Variants in TMTC1 observed in about 807,000 individuals in gnomAD.
The protein encoded by TMTC1 is protein O-mannosyl-transferase TMTC1.
Under a neutral mutation model 104.8 loss-of-function variants are expected in TMTC1, and 73 were observed. The ratio of observed to expected loss-of-function variants is 0.70; its 90% CI spans 0.58 to 0.85. The LOEUF (loss-of-function observed/expected upper bound fraction) is 0.85, where lower values mean the gene tolerates loss of function less well. Among genes scored for constraint, TMTC1 ranks in the 40% least tolerant of loss-of-function variants. TMTC1 has a pLI of 0.00. For missense variants in TMTC1, 1,035 were observed against 1,096.1 expected (o/e 0.94, Z 0.79); for synonymous variants, 434 against 428.7 (o/e 1.01, Z -0.15).
intron 3 of TMTC1, among the ~76,000 whole-genome samples, chr12:29,756,856 G>T (rs986912277): frequency 1.3e-5 from 2 of 151,946 alleles, no homozygotes; most frequent in African/African-American, 4.8e-5. Flanking sequence ...CTATTGAGTT[G>T]GTCTATAGCT....
chr12:29,547,784 C>A (rs539764993), intron 10 of TMTC1, among the ~76,000 whole-genome samples: 2 of 152,108 alleles, frequency 1.3e-5, no homozygotes, highest in African/African-American at 4.8e-5. Context: ...TGTGTGTACG[C>A]AATGGATATG....
At position 29,515,383 on chromosome 12, in the gene TMTC1, C is replaced by G. The variant is rs187690138; in HGVS notation, c.2308-779G>C. Among the ~76,000 whole-genome samples the G allele has an allele frequency of 3.5e-3, 526 of 152,288 alleles. 1 individual carries two copies. Among genetic ancestry groups the G allele is most frequent in the Admixed American group, 7.7e-3 (118 of 15,302 alleles). ...CATGGTAAGGAACAAAACCCTTGGC[C>G]TGGCCCCAAGGAGTCTCCTCCCAGC... On this transcript the variant is annotated intron_variant, in intron 15 of 17. Transcript: ENST00000539277.
chr12:29,705,565 C>G (rs1446966914), intron 5 of TMTC1, among the ~76,000 whole-genome samples: 1 of 152,142 alleles, frequency 6.6e-6, no homozygotes, highest in Admixed American at 6.5e-5. Flanking sequence ...GCTTACACTG[C>G]TTGTCCAGGT....
At position 29,572,291 on chromosome 12, in the gene TMTC1, C is replaced by CA. The variant is rs1491132248; in HGVS notation, c.1419-74dup. ...TTGTCAGATTCCTTTATGTTTTACT[C>CA]AGTTTCATGAACCTGTATTTGAAAT... On this transcript the variant is annotated intron_variant, in intron 8 of 17. Transcript: ENST00000539277. 3 of 1,258,792 alleles carry CA rather than the reference C, an allele frequency of 2.4e-6. No homozygotes were observed. The African/African-American group carries it at 4.5e-5, about 19-fold the overall frequency. The allele number at this position is 1,258,792 out of a possible 1,614,324, so 78.0% of individuals were successfully genotyped here.
intron 6 of TMTC1, among the ~76,000 whole-genome samples, chr12:29,622,621 A>T (rs956653183): frequency 6.6e-6 from 1 of 152,244 alleles, no homozygotes; most frequent in African/African-American, 2.4e-5. Context: ...CTTTAACTGT[A>T]CATGCATTCC....
chr12:29,773,850 C>T (rs1224151382), intron 1 of TMTC1, among the ~76,000 whole-genome samples: 1 of 152,136 alleles, frequency 6.6e-6, no homozygotes, highest in Non-Finnish European at 1.5e-5. Flanking sequence ...CCTATCACCC[C>T]ATGAAGTCAG....
intron 1 of TMTC1, among the ~76,000 whole-genome samples, chr12:29,776,723 G>C (rs998893078): frequency 1.3e-4 from 12 of 92,538 alleles, no homozygotes; most frequent in African/African-American, 4.1e-4. Flanking sequence ...AGGAAATAAG[G>C]GTAAAAAAAC....
At chr12:29,550,763 G>T (rs1192523120) in intron 10 of TMTC1, among the ~76,000 whole-genome samples, 1 of 151,966 alleles carries the variant, frequency 6.6e-6, no homozygotes, top group Non-Finnish European at 1.5e-5. Context: ...GTGAGCAATG[G>T]AGAGTCACTG....
At chr12:29,575,138 C>T (rs1945786717) in intron 8 of TMTC1, among the ~76,000 whole-genome samples, 2 of 152,006 alleles carry the variant, frequency 1.3e-5, no homozygotes, top group South Asian at 4.2e-4. Flanking sequence ...GACTTGGACC[C>T]GAGGAGTTTG....
In TMTC1 at chr12:29,758,710, T is replaced by C; in HGVS notation, c.548A>G (p.Tyr183Cys). ...CLLFLLAFLSYNRSLDQGCVG... is the reference protein window; with the variant it reads ...CLLFLLAFLSCNRSLDQGCVG... ...CATTCTTAGCTACACATACCTGTTG[T>C]ACGAGAGAAAGGCCAATAGAAACAG... The change falls in exon 3 of 18, where the codon TAC (tyrosine) becomes TGC (cysteine). Residue 183 changes from tyrosine to cysteine, a missense_variant. Tyr to Cys is a radical substitution (Grantham distance 194). Transcript: ENST00000539277. 6.2e-7 allele frequency: 1 copy of C among 1,613,536 alleles called. No homozygotes were observed. Among genetic ancestry groups the C allele is most frequent in the Admixed American group, 1.7e-5 (1 of 59,918 alleles).
chr12:29,772,163 A>C (rs1425565385), intron 1 of TMTC1, among the ~76,000 whole-genome samples: 3 of 152,148 alleles, frequency 2.0e-5, no homozygotes, highest in Admixed American at 2.0e-4. Flanking sequence ...CAGGGTTTTA[A>C]AAACTGGTGG....
chr12:29,751,987 T>G (rs780709769), intron 4 of TMTC1, 115 bp from the exon 5 acceptor site: 65 of 948,850 alleles, frequency 6.9e-5, no homozygotes, highest in Non-Finnish European at 9.5e-5. Context: ...ACAACCATTC[T>G]CAAGTCTTTA....
In TMTC1 at chr12:29,536,237, G is replaced by A; in HGVS notation, c.1757C>T (p.Ser586Leu). Reference sequence around the variant, plus strand: ...CTCAGCCAATAACGAAGCTAAGCTTGAATATGCATCTGCAAACTCTGGACC... The same window carrying A: ...CTCAGCCAATAACGAAGCTAAGCTTAAATATGCATCTGCAAACTCTGGACC... The part of the protein sequence containing the change: ...KYGPEFADAY[S>L]SLASLLAEQE... The change falls in exon 11 of 18, where the codon TCA becomes TTA. Residue 586 changes from serine to leucine, a missense_variant. Ser to Leu is a moderately radical substitution (Grantham distance 145, BLOSUM62 -2). Coordinates refer to ENST00000539277, the MANE Select transcript of TMTC1 (RefSeq NM_001193451.2). 1.2e-6 allele frequency: 2 copies of A among 1,612,506 alleles called. No individual in the cohort carries two copies. Among genetic ancestry groups the A allele is most frequent in the Admixed American group, 3.3e-5 (2 of 59,904 alleles).
chr12:29,602,783 G>T (rs929997470), intron 7 of TMTC1, among the ~76,000 whole-genome samples: 1 of 152,070 alleles, frequency 6.6e-6, no homozygotes, highest in Non-Finnish European at 1.5e-5. Flanking sequence ...TTTGTTAATT[G>T]GCAGTTAACT....
At chr12:29,510,049 TA>T (rs1943790913) in intron 17 of TMTC1, among the ~76,000 whole-genome samples, 1 of 152,240 alleles carries the variant, frequency 6.6e-6, no homozygotes, top group Non-Finnish European at 1.5e-5. Flanking sequence ...GTTTGTCACT[TA>T]ATGACAAAGA....
chr12:29,637,573 G>A (rs746720748), intron 5 of TMTC1, among the ~76,000 whole-genome samples: 1 of 152,172 alleles, frequency 6.6e-6, no homozygotes, highest in African/African-American at 2.4e-5. Context: ...GAAAGGGAAA[G>A]GCAAGCTGGA....
intron 11 of TMTC1, among the ~76,000 whole-genome samples, chr12:29,530,169 C>T (rs552843313): frequency 7.9e-5 from 12 of 152,104 alleles, no homozygotes; most frequent in Non-Finnish European, 1.3e-4. Context: ...TCTGACTCAA[C>T]ACACCCCCTC....
intron 5 of TMTC1, among the ~76,000 whole-genome samples, chr12:29,744,668 G>A (rs1429702721): frequency 1.3e-5 from 2 of 152,108 alleles, no homozygotes; most frequent in Non-Finnish European, 2.9e-5. Context: ...CTCAATTAAT[G>A]GTTAAGAAAC....
At chr12:29,660,917 A>G (rs1184454905) in intron 5 of TMTC1, 1 of 1,365,196 alleles carries the variant, frequency 7.3e-7, no homozygotes, top group Non-Finnish European at 9.9e-7. Context: ...ATCTTAGATA[A>G]GTGTGTCTAC....
Sources: allele counts gnomAD v4.1 joint callset (sites outside exome capture counted in the v4.1 genomes callset), GRCh38; gene constraint gnomAD v4.1.1; transcripts MANE v1.5; gene names NCBI Gene and HGNC (gene_info 2026-07-23, HGNC 2026-07-21).